The following ARHGAP15 variants were observed in gnomAD, a reference collection of about 807,000 sequenced individuals.
The protein encoded by ARHGAP15 is Rho GTPase activating protein 15, also known as rho GTPase-activating protein 15.
ARHGAP15 carries 51 observed loss-of-function variants against 63.7 expected under a neutral mutation model. The ratio of observed to expected loss-of-function variants is 0.80; its 90% CI spans 0.64 to 1.01. ARHGAP15 has a LOEUF of 1.01. ARHGAP15 is among the 50% of genes least tolerant of loss of function. The pLI, the probability that ARHGAP15 is intolerant of heterozygous loss-of-function variation, is 0.00. For missense variants in ARHGAP15, 560 were observed against 564.6 expected, an observed-to-expected ratio of 0.99 and a Z score of 0.08; for synonymous variants, 191 against 193.8, an observed-to-expected ratio of 0.99 and a Z score of 0.12.
At chr2:143,488,731 C>T (rs377577678) in intron 9 of ARHGAP15, among the ~76,000 whole-genome samples, 12 of 152,298 alleles carry the variant, frequency 7.9e-5, no homozygotes, top group African/African-American at 2.6e-4. Context: ...CAGTTTCCGT[C>T]CATTTTGAAA....
intron 12 of ARHGAP15, among the ~76,000 whole-genome samples, chr2:143,679,396 A>G (rs78775318): frequency 3.9e-4 from 59 of 152,338 alleles, no homozygotes; most frequent in African/African-American, 1.4e-3. Context: ...ATTTTTGCTC[A>G]TTATAAAACA....
chr2:143,660,547 A>T (rs1681707512), intron 12 of ARHGAP15, among the ~76,000 whole-genome samples: 1 of 152,212 alleles, frequency 6.6e-6, no homozygotes, highest in African/African-American at 2.4e-5. Context: ...TAAAATGAAC[A>T]CTTTATGAAT....
intron 3 of ARHGAP15, among the ~76,000 whole-genome samples, chr2:143,203,071 C>T: frequency 6.6e-6 from 1 of 152,034 alleles, no homozygotes; most frequent in East Asian, 1.9e-4. Flanking sequence ...GGTCAATATG[C>T]TTCCAGTCTT....
At chr2:143,581,611 A>G (rs1457615013) in intron 11 of ARHGAP15, among the ~76,000 whole-genome samples, 5 of 152,136 alleles carry the variant, frequency 3.3e-5, no homozygotes, top group Non-Finnish European at 7.4e-5. Flanking sequence ...CCTAATAGCA[A>G]GTAGGGAGGG....
At chr2:143,689,822 C>T (rs1379582830) in intron 12 of ARHGAP15, among the ~76,000 whole-genome samples, 2 of 152,206 alleles carry the variant, frequency 1.3e-5, no homozygotes, top group Non-Finnish European at 2.9e-5. Flanking sequence ...CTACACAATT[C>T]CTATGGGGAT....
chr2:143,556,445 T>C lies in ARHGAP15; in HGVS notation c.963T>C (p.Asn321=). The change falls in exon 11 of 14, where the codon AAT becomes AAC. Residue 321 remains asparagine, a synonymous_variant. Coordinates refer to ENST00000295095, the MANE Select transcript of ARHGAP15 (RefSeq NM_018460.4). ...ATGGAATATATCGAGTTAGTGGCAA[T>C]CTGGCAACAATACAGAAGTTAAGAT... is the stretch of plus-strand genomic sequence containing the variant. ...DVDGIYRVSG[N]LATIQKLRFI... The C allele has an allele frequency of 6.2e-7, 1 of 1,612,544 alleles. No individual in the cohort carries two copies. Among genetic ancestry groups the C allele is most frequent in the South Asian group, 1.1e-5 (1 of 90,962 alleles).
At position 143,394,453 on chromosome 2, in the gene ARHGAP15, A is replaced by G. The variant is rs16822439; in HGVS notation, c.475-41148A>G. Reference sequence around the variant, plus strand: ...GTTAACAGTGCAAGCATGGTTTCCAAGAGACCTTGACTCTACATTACAGAT... The same window carrying G: ...GTTAACAGTGCAAGCATGGTTTCCAGGAGACCTTGACTCTACATTACAGAT... On this transcript the variant is annotated intron_variant, in intron 6 of 13. Coordinates refer to ENST00000295095, the MANE Select transcript of ARHGAP15 (RefSeq NM_018460.4). Among the ~76,000 whole-genome samples, 713 of 152,304 alleles carry G rather than the reference A, an allele frequency of 4.7e-3. 6 individuals carry two copies. Among genetic ancestry groups the G allele is most frequent in the African/African-American group, 0.016 (663 of 41,574 alleles).
chr2:143,319,346 T>G (rs1351323600), intron 6 of ARHGAP15, among the ~76,000 whole-genome samples: 1 of 151,532 alleles, frequency 6.6e-6, no homozygotes, highest in African/African-American at 2.4e-5. Context: ...CACCTCAGCC[T>G]CCCGAGTAGC....
chr2:143,482,259 T>C (rs1692114223), intron 8 of ARHGAP15, among the ~76,000 whole-genome samples: 2 of 151,296 alleles, frequency 1.3e-5, no homozygotes, highest in Admixed American at 6.6e-5. Flanking sequence ...AAAGTGGGAA[T>C]GGAAAAAAAA....
chr2:143,515,815 C>T (rs1327153707), intron 9 of ARHGAP15, among the ~76,000 whole-genome samples: 1 of 152,214 alleles, frequency 6.6e-6, no homozygotes. Context: ...AATAATTTAA[C>T]TTACCTGGCA....
At chr2:143,499,680 G>T (rs1692969702) in intron 9 of ARHGAP15, among the ~76,000 whole-genome samples, 1 of 151,986 alleles carries the variant, frequency 6.6e-6, no homozygotes. Flanking sequence ...TATTTCCCAG[G>T]CATTTAAGTT....
At chr2:143,525,554 T>C (rs1408306036) in intron 10 of ARHGAP15, among the ~76,000 whole-genome samples, 4 of 152,058 alleles carry the variant, frequency 2.6e-5, no homozygotes, top group Non-Finnish European at 5.9e-5. Flanking sequence ...TCCATGAAAG[T>C]TTGCAGTGAA....
At chr2:143,409,922 AG>A (rs1201762072) in intron 6 of ARHGAP15, among the ~76,000 whole-genome samples, 1 of 152,128 alleles carries the variant, frequency 6.6e-6, no homozygotes, top group Non-Finnish European at 1.5e-5. Flanking sequence ...CCTGTCATTA[AG>A]TGATGTGTGA....
intron 2 of ARHGAP15, among the ~76,000 whole-genome samples, chr2:143,197,304 A>G (rs1691917705): frequency 6.6e-6 from 1 of 152,112 alleles, no homozygotes; most frequent in African/African-American, 2.4e-5. Flanking sequence ...AGGACATCTA[A>G]TGTTTTAAGC....
intron 6 of ARHGAP15, among the ~76,000 whole-genome samples, chr2:143,341,938 G>T (rs1685076826): frequency 6.6e-6 from 1 of 152,066 alleles, no homozygotes; most frequent in Non-Finnish European, 1.5e-5. Flanking sequence ...GATATAAAAA[G>T]TTATATAGTT....
chr2:143,207,755 A>G (rs1692397240), intron 3 of ARHGAP15, among the ~76,000 whole-genome samples: 1 of 152,158 alleles, frequency 6.6e-6, no homozygotes. Flanking sequence ...AATTATCTAT[A>G]TTGATGAACA....
intron 6 of ARHGAP15, among the ~76,000 whole-genome samples, chr2:143,399,718 A>C (rs190618631): frequency 1.3e-5 from 2 of 151,974 alleles, no homozygotes; most frequent in East Asian, 3.9e-4. Flanking sequence ...TTAGGCAACC[A>C]GAACTCCAAC....
intron 6 of ARHGAP15, among the ~76,000 whole-genome samples, chr2:143,413,966 T>TGTGTGC: frequency 5.9e-4 from 69 of 117,898 alleles, no homozygotes; most frequent in East Asian, 3.1e-3. Context: ...TGTGTGTGTG[T>TGTGTGC]GCGCGCTCTC....
intron 8 of ARHGAP15, among the ~76,000 whole-genome samples, chr2:143,468,004 T>G (rs990756915): frequency 6.6e-6 from 1 of 152,146 alleles, no homozygotes; most frequent in Admixed American, 6.5e-5. Context: ...CGTTGTAGTT[T>G]AAGTTCATGT....
Sources: gnomAD v4.1 joint callset for allele counts (sites outside exome capture counted in the v4.1 genomes callset) on GRCh38, gnomAD v4.1.1 for gene constraint, MANE v1.5 for transcripts, NCBI Gene and HGNC (gene_info 2026-07-23, HGNC 2026-07-21) for gene names.